The following DDX43 variants were observed in gnomAD, a reference collection of about 807,000 sequenced individuals.
DDX43 encodes the protein DEAD-box helicase 43.
A neutral mutation model predicts 84.9 loss-of-function variants in DDX43; 50 were observed. The observed-to-expected ratio is 0.59, with a 90% confidence interval of 0.47 to 0.75. The LOEUF is 0.75. Ranked by LOEUF, DDX43 falls within the 30% of genes least tolerant of loss-of-function variation. The pLI is 0.00. For synonymous variants in DDX43, 291 were observed against 266.3 expected (o/e 1.09, Z -0.90); for missense variants, 689 against 798.6 (o/e 0.86, Z 1.65).
At chr6:73,403,103 T>C (rs2150792170) in intron 4 of DDX43, among the ~76,000 whole-genome samples, 1 of 152,330 alleles carries the variant, frequency 6.6e-6, no homozygotes, top group African/African-American at 2.4e-5. Flanking sequence ...CTAAACAGTT[T>C]GTGTTGGGAA....
intron 1 of DDX43, 103 bp downstream of exon 1, chr6:73,395,258 C>T (rs1030017903): frequency 4.4e-6 from 6 of 1,376,648 alleles, no homozygotes; most frequent in African/African-American, 4.3e-5. Context: ...CAGCTGCCAC[C>T]TAGTGAGGTT....
At position 73,410,747 on chromosome 6, in the gene DDX43, C is replaced by CA. The variant is rs201315916; in HGVS notation, c.1280+1400dup. Among the ~76,000 whole-genome samples, 1,227 of 152,212 alleles carry CA rather than the reference C, an allele frequency of 8.1e-3. 17 individuals are homozygous for CA. Among genetic ancestry groups the CA allele is most frequent in the African/African-American group, 0.028 (1,161 of 41,544 alleles). On this transcript the variant is annotated intron_variant, in intron 10 of 16. Transcript: ENST00000370336. The stretch of plus-strand genomic sequence containing the variant: ...AACTGGAACTACAGGTGCATGCCAC[C>CA]ACACCCAGCTCATTTTTGTATTTTT...
At chr6:73,396,579 G>A (rs1233092264) in intron 1 of DDX43, among the ~76,000 whole-genome samples, 1 of 152,208 alleles carries the variant, frequency 6.6e-6, no homozygotes, top group African/African-American at 2.4e-5. Flanking sequence ...GCACTCACTT[G>A]ATGTTGGATC....
chr6:73,416,309 TTAA>T (rs1239078326), intron 16 of DDX43, 58 bp downstream of exon 16: 6 of 697,860 alleles, frequency 8.6e-6, no homozygotes, highest in East Asian at 2.7e-5. Flanking sequence ...CTAGGCTTTG[TTAA>T]TAATGTTTAT....
chr6:73,412,085 C>A (rs1307692336), intron 10 of DDX43, 120 bp from the exon 11 acceptor site: 2 of 742,172 alleles, frequency 2.7e-6, no homozygotes, highest in Non-Finnish European at 4.5e-6. Context: ...ATTTGCCTTA[C>A]TTATTGAAAA....
intron 2 of DDX43, 132 bp downstream of exon 2, chr6:73,397,876 C>A: frequency 1.5e-6 from 1 of 675,828 alleles, no homozygotes; most frequent in Non-Finnish European, 2.5e-6. Flanking sequence ...GATATCAGTA[C>A]AACCTCTGCC....
At chr6:73,401,181 C>G (rs1028680240) in intron 3 of DDX43, among the ~76,000 whole-genome samples, 3 of 152,000 alleles carry the variant, frequency 2.0e-5, no homozygotes, top group Admixed American at 6.6e-5. Flanking sequence ...GGTTTCACCA[C>G]GTTGCCTAGG....
intron 4 of DDX43, among the ~76,000 whole-genome samples, chr6:73,403,973 A>G (rs1301066293): frequency 2.6e-5 from 4 of 151,710 alleles, no homozygotes; most frequent in Admixed American, 2.6e-4. Context: ...GTCTGCCACC[A>G]TGCTCAGCTA....
At chr6:73,404,434 C>T (rs1292046099) in intron 4 of DDX43, among the ~76,000 whole-genome samples, 1 of 151,836 alleles carries the variant, frequency 6.6e-6, no homozygotes, top group Non-Finnish European at 1.5e-5. Context: ...GACAGGGTGT[C>T]ACTATTTTGC....
chr6:73,416,741 A>G (rs749928441), intron 16 of DDX43, among the ~76,000 whole-genome samples: 2 of 152,216 alleles, frequency 1.3e-5, no homozygotes, highest in Non-Finnish European at 2.9e-5. Context: ...TTTTCATGGC[A>G]TGAAAGTTTT....
At position 73,415,643 on chromosome 6, in the gene DDX43, C is replaced by T. The variant is rs532441308; in HGVS notation, c.1833+59C>T. ...TTATCAGTATCTCAGTCAGTTATGC[C>T]GGGTACTATGGCTTGCTATTTATCA... On this transcript the variant is annotated intron_variant, in intron 15 of 16. Transcript: ENST00000370336. 53 of 1,242,542 alleles carry T rather than the reference C, an allele frequency of 4.3e-5. 1 individual carries two copies. The highest frequency in any genetic ancestry group is 3.5e-4 in the African/African-American group (23 of 66,640). The allele number at this position is 1,242,542 out of a possible 1,614,324, so 77.0% of individuals were successfully genotyped here. A position where few individuals can be genotyped will look rare whatever the true frequency, so the allele number is the denominator to read the frequency against.
At position 73,407,394 on chromosome 6, in the gene DDX43, C is replaced by T. The variant is rs188767257; in HGVS notation, c.927-111C>T. On this transcript the variant is annotated intron_variant, in intron 7 of 16. Transcript: ENST00000370336. ...TTGGCCTCCCAAAGTGCTGAGATTA[C>T]AGGCGTGAGCCACCACGTCTGGCTT... The T allele has an allele frequency of 2.0e-4, 143 of 730,496 alleles. No individual in the cohort carries two copies. In the East Asian group the frequency reaches 3.6e-3, roughly 19 times the overall value. 45.3% of individuals were successfully genotyped at this position (730,496 alleles called of 1,614,324 possible).
At chr6:73,414,133 G>T in intron 13 of DDX43, 54 bp downstream of exon 13, 1 of 1,089,052 alleles carries the variant, frequency 9.2e-7, no homozygotes, top group Non-Finnish European at 1.4e-6. Context: ...CAATACCTGG[G>T]CTTGGCTGAG....
chr6:73,397,800 C>A (rs1747341213), intron 2 of DDX43, 56 bp downstream of exon 2: 2 of 1,469,080 alleles, frequency 1.4e-6, no homozygotes, highest in Non-Finnish European at 1.9e-6. Flanking sequence ...TCTAAGGGAG[C>A]ACCTAACTCT....
At chr6:73,404,305 C>T (rs185768992) in intron 4 of DDX43, among the ~76,000 whole-genome samples, 254 of 152,206 alleles carry the variant, frequency 1.7e-3, no homozygotes, top group African/African-American at 5.8e-3. Context: ...GTTGGTTAGG[C>T]TCGTCTCAAA....
Position 73,394,995 on chromosome 6 carries a change from G to A in DDX43, c.90G>A (p.Arg30=). ...CAGTGTCCCGAGCGCCAGAGAGGAG[G>A]CCGGCGGAGGAGTTGAATCGAACAG... ...SSTVSRAPER[R]PAEELNRTGP... Residue 30 remains arginine (R), a synonymous_variant, in exon 1 of 17, where the codon AGG becomes AGA. Coordinates refer to ENST00000370336, the MANE Select transcript of DDX43 (RefSeq NM_018665.3). 6.2e-7 allele frequency: 1 copy of A among 1,614,270 alleles called. No individual in the cohort carries two copies. Among genetic ancestry groups the A allele is most frequent in the Non-Finnish European group, 8.5e-7 (1 of 1,180,044 alleles).
chr6:73,413,107 A>G (rs1468440277), intron 11 of DDX43, among the ~76,000 whole-genome samples: 1 of 152,220 alleles, frequency 6.6e-6, no homozygotes, highest in Non-Finnish European at 1.5e-5. Flanking sequence ...ACATATATAC[A>G]TAAATATAAG....
At chr6:73,397,765 G>A (rs773770578) in intron 2 of DDX43, 21 bp downstream of exon 2, 6 of 1,609,184 alleles carry the variant, frequency 3.7e-6, no homozygotes, top group South Asian at 3.3e-5. Context: ...TGTGTTTTTC[G>A]GCCCTTAAGA....
At position 73,394,911 on chromosome 6, in the gene DDX43, C is replaced by A. The variant is rs1342153234; in HGVS notation, c.6C>A (p.Ser2=). 6.2e-7 allele frequency: 1 copy of A among 1,613,990 alleles called. No homozygotes were observed. Among genetic ancestry groups the A allele is most frequent in the Admixed American group, 1.7e-5 (1 of 59,998 alleles). The change falls in exon 1 of 17, where the codon TCC becomes TCA. Residue 2 remains serine (S), a synonymous_variant. Transcript: ENST00000370336. Reference sequence around the variant, plus strand: ...ACGCGCCCCTTCTTGGAACAATGTCCCACCACGGAGGAGCTCCCAAGGCCT... The same window carrying A: ...ACGCGCCCCTTCTTGGAACAATGTCACACCACGGAGGAGCTCCCAAGGCCT... M[S]HHGGAPKAST... is the part of the protein sequence containing the mutation.
Sources: allele counts gnomAD v4.1 joint callset (sites outside exome capture counted in the v4.1 genomes callset), GRCh38; gene constraint gnomAD v4.1.1; transcripts MANE v1.5; gene names NCBI Gene and HGNC (gene_info 2026-07-23, HGNC 2026-07-21).